The following NTRK2 variants were observed in gnomAD, a reference collection of about 807,000 sequenced individuals.
NTRK2 encodes the protein neurotrophic receptor tyrosine kinase 2.
A neutral mutation model predicts 94.5 loss-of-function variants in NTRK2; 13 were observed. The observed-to-expected ratio is 0.14, with a 90% CI of 0.09 to 0.22. NTRK2 has a LOEUF of 0.22. Among genes scored for constraint, NTRK2 ranks in the 10% least tolerant of loss-of-function variants. The pLI, the probability that NTRK2 is intolerant of heterozygous loss-of-function variation, is 1.00. For missense variants in NTRK2, 639 were observed against 1,071.2 expected, an observed-to-expected ratio of 0.60 and a Z score of 5.63; for synonymous variants, 372 against 407.4, an observed-to-expected ratio of 0.91 and a Z score of 1.05.
At chr9:84,735,877 T>G (rs2063222876) in intron 9 of NTRK2, among the ~76,000 whole-genome samples, 1 of 152,150 alleles carries the variant, frequency 6.6e-6, no homozygotes, top group Non-Finnish European at 1.5e-5. Flanking sequence ...AGATTAGAAG[T>G]GATGAAGGTT....
rs1444483931 is a variant in NTRK2 at position 84,968,649 on chromosome 9, G to A, written c.2172+13132G>A. 2.0e-5 allele frequency among the ~76,000 whole-genome samples: 3 copies of A among 152,332 alleles called. No homozygotes were observed. In the East Asian group the frequency reaches 5.8e-4, roughly 29 times the overall value. On this transcript the variant is annotated intron_variant, in intron 17 of 18. Coordinates refer to ENST00000277120, the MANE Select transcript of NTRK2 (RefSeq NM_006180.6). The stretch of plus-strand genomic sequence containing the variant: ...CTCACTTTCAATATGTGTACAGTGT[G>A]TGGCTTTGAATAACTCATTTAACTT...
chr9:84,894,983 GA>G (rs1005581084), intron 14 of NTRK2, among the ~76,000 whole-genome samples: 52 of 151,966 alleles, frequency 3.4e-4, no homozygotes, highest in Admixed American at 2.6e-3. Context: ...AGCAATAATG[GA>G]AAAAAATATA....
intron 12 of NTRK2, chr9:84,812,785 A>G: frequency 9.6e-7 from 1 of 1,039,708 alleles, no homozygotes; most frequent in South Asian, 4.6e-5. Context: ...AAAAAGGAAT[A>G]TTTGTACCCA....
chr9:84,857,362 G>T (rs1045041479), intron 12 of NTRK2, among the ~76,000 whole-genome samples: 3 of 152,164 alleles, frequency 2.0e-5, no homozygotes, highest in African/African-American at 7.2e-5. Context: ...AGTGAATAAA[G>T]TGTCTCTTAT....
At chr9:84,877,604 T>C in intron 14 of NTRK2, 2 of 1,065,868 alleles carry the variant, frequency 1.9e-6, no homozygotes, top group South Asian at 4.5e-5. Flanking sequence ...TGCTGCACCA[T>C]GTTGGGCTGC....
chr9:84,747,276 C>T (rs1353994423), intron 11 of NTRK2, among the ~76,000 whole-genome samples: 1 of 152,060 alleles, frequency 6.6e-6, no homozygotes, highest in Non-Finnish European at 1.5e-5. Flanking sequence ...ATTGAAATAG[C>T]AAGAACAAAT....
intron 9 of NTRK2, among the ~76,000 whole-genome samples, chr9:84,739,114 G>A (rs2063456784): frequency 6.6e-6 from 1 of 151,966 alleles, no homozygotes; most frequent in African/African-American, 2.4e-5. Context: ...GCAGTGGTGT[G>A]ATCTCAGCTC....
At chr9:84,871,676 G>C (rs965069433) in intron 14 of NTRK2, 1 of 863,810 alleles carries the variant, frequency 1.2e-6, no homozygotes, top group African/African-American at 1.6e-5. Flanking sequence ...GGAGTGATAT[G>C]AGGGTTTCAT....
chr9:84,740,732 T>A (rs2063586619), intron 9 of NTRK2, among the ~76,000 whole-genome samples: 1 of 152,258 alleles, frequency 6.6e-6, no homozygotes, highest in Non-Finnish European at 1.5e-5. Context: ...ATTTCATTTT[T>A]TTTCCCTGCT....
At chr9:84,866,379 T>G (rs1205113912) in intron 13 of NTRK2, among the ~76,000 whole-genome samples, 1 of 152,196 alleles carries the variant, frequency 6.6e-6, no homozygotes, top group African/African-American at 2.4e-5. Flanking sequence ...CAAATATTAT[T>G]TTGCATATAA....
At chr9:84,831,230 T>G (rs2073527442) in intron 12 of NTRK2, among the ~76,000 whole-genome samples, 1 of 152,220 alleles carries the variant, frequency 6.6e-6, no homozygotes, top group African/African-American at 2.4e-5. Flanking sequence ...GGTTTTGATA[T>G]TAAGACCCTT....
At chr9:84,791,002 TTC>T (rs1317980070) in intron 12 of NTRK2, among the ~76,000 whole-genome samples, 1 of 152,280 alleles carries the variant, frequency 6.6e-6, no homozygotes, top group African/African-American at 2.4e-5. Flanking sequence ...TCACATCATA[TTC>T]TGTTTGTTCA....
At chr9:84,828,301 T>C (rs1220277896) in intron 12 of NTRK2, among the ~76,000 whole-genome samples, 1 of 152,210 alleles carries the variant, frequency 6.6e-6, no homozygotes, top group Admixed American at 6.5e-5. Flanking sequence ...CCAGTTGCCA[T>C]GACAACGCAG....
intron 9 of NTRK2, among the ~76,000 whole-genome samples, chr9:84,733,531 A>T (rs1293727473): frequency 6.6e-6 from 1 of 152,194 alleles, no homozygotes; most frequent in Non-Finnish European, 1.5e-5. Context: ...ACCTCTTAGG[A>T]AGGTGGCAGG....
chr9:84,750,620 A>AT (rs2064502914), intron 11 of NTRK2, among the ~76,000 whole-genome samples: 1 of 152,208 alleles, frequency 6.6e-6, no homozygotes, highest in Non-Finnish European at 1.5e-5. Flanking sequence ...ATTTGTTTAC[A>AT]TATCATCATT....
rs962652439 is a variant in NTRK2 at position 84,926,122 on chromosome 9, C to T, written c.1634-8040C>T. Among the ~76,000 whole-genome samples the T allele has an allele frequency of 3.4e-4, 14 of 41,458 alleles. 1 individual carries two copies. The highest frequency in any genetic ancestry group is 9.0e-4 in the African/African-American group (13 of 14,422). The allele number at this position is 41,458 out of a possible 152,430, so 27.2% of individuals were successfully genotyped here. A position where few individuals can be genotyped will look rare whatever the true frequency, so the allele number is the denominator to read the frequency against. On this transcript the variant is annotated intron_variant, in intron 14 of 18. Coordinates refer to ENST00000277120, the MANE Select transcript of NTRK2 (RefSeq NM_006180.6). ...CTTCCTTCCTTTCCTTCCTTCCTTC[C>T]TTCCTTCCTTCCTTCCTTCCTTCCT...
chr9:84,987,186 C>T lies in NTRK2; in HGVS notation c.2172+31669C>T, dbSNP rs139996730. Among the ~76,000 whole-genome samples the T allele has an allele frequency of 3.5e-3, 527 of 152,300 alleles. 3 individuals carry two copies. Among genetic ancestry groups the T allele is most frequent in the African/African-American group, 0.012 (507 of 41,570 alleles). ...GTAGCCTAATACCACTCTGAAAGAA[C>T]ATTCTTGAAGTTTTATGTTAATTGA... is the stretch of plus-strand genomic sequence containing the variant. On this transcript the variant is annotated intron_variant, in intron 17 of 18. Transcript: ENST00000277120.
intron 12 of NTRK2, among the ~76,000 whole-genome samples, chr9:84,831,121 A>G (rs2073520256): frequency 6.6e-6 from 1 of 152,228 alleles, no homozygotes; most frequent in Admixed American, 6.5e-5. Context: ...GTAATTTCCA[A>G]TTTCATTGTT....
chr9:85,016,410 T>C (rs1443724913), intron 17 of NTRK2, among the ~76,000 whole-genome samples: 1 of 152,172 alleles, frequency 6.6e-6, no homozygotes, highest in Admixed American at 6.5e-5. Flanking sequence ...TTCAACTTAA[T>C]TACTGGAGAG....
Sources: gnomAD v4.1 joint callset for allele counts (sites outside exome capture counted in the v4.1 genomes callset) on GRCh38, gnomAD v4.1.1 for gene constraint, MANE v1.5 for transcripts, NCBI Gene and HGNC (gene_info 2026-07-23, HGNC 2026-07-21) for gene names.